Variants in RNF111 observed in about 807,000 individuals in gnomAD.
RNF111 encodes the protein ring finger protein 111, also known as E3 ubiquitin-protein ligase Arkadia.
Under a neutral mutation model 95.1 loss-of-function variants are expected in RNF111, and 17 were observed. That is an observed-to-expected ratio of 0.18 (90% CI 0.12 to 0.27). The LOEUF (loss-of-function observed/expected upper bound fraction) is 0.27, where lower values mean the gene tolerates loss of function less well. RNF111 is among the 10% of genes least tolerant of loss of function. The probability of loss-of-function intolerance (pLI) is 1.00; values close to 1 mark genes in which losing one functional copy is unlikely to be tolerated. For synonymous variants in RNF111, 440 were observed against 414.8 expected (o/e 1.06, Z -0.74); for missense variants, 1,189 against 1,210.4 (o/e 0.98, Z 0.26).
intron 13 of RNF111, chr15:59,093,336 T>TA (rs2079105389): frequency 1.1e-4 from 42 of 397,836 alleles, no homozygotes; most frequent in Admixed American, 1.9e-4. Context: ...TTTTACAGCA[T>TA]CTTTTTTTTT....
intron 1 of RNF111, among the ~76,000 whole-genome samples, chr15:59,025,745 T>G (rs1283493223): frequency 6.6e-6 from 1 of 152,110 alleles, no homozygotes; most frequent in Non-Finnish European, 1.5e-5. Context: ...TCTTTTTTCT[T>G]TTGTGTCGGA....
At chr15:59,055,602 G>A in intron 3 of RNF111, 80 bp from the exon 4 acceptor site, 1 of 1,099,642 alleles carries the variant, frequency 9.1e-7, no homozygotes, top group Non-Finnish European at 1.2e-6. Context: ...TTAACATTTA[G>A]TAAGAAAGGC....
At chr15:59,001,334 C>G (rs1290091861) in intron 1 of RNF111, among the ~76,000 whole-genome samples, 2 of 152,022 alleles carry the variant, frequency 1.3e-5, no homozygotes, top group Admixed American at 6.6e-5. Flanking sequence ...CCATTTTTTA[C>G]CTCTCTTCTC....
intron 1 of RNF111, among the ~76,000 whole-genome samples, chr15:58,991,391 CAT>C (rs1342183424): frequency 1.3e-5 from 2 of 152,202 alleles, no homozygotes; most frequent in African/African-American, 2.4e-5. Flanking sequence ...TTGAATGTCT[CAT>C]GTTCTAGGCA....
In RNF111 at chr15:59,050,754, A is replaced by C. The variant is rs546692801; in HGVS notation, c.881-1551A>C. On this transcript the variant is annotated intron_variant, in intron 2 of 13. Coordinates refer to ENST00000348370, the MANE Select transcript of RNF111 (RefSeq NM_017610.8). ...TCCAAAAATTTCTTCCTGTCTCCTT[A>C]CTTTTGTTTCCTTTTTTGGTTAGAG... Among the ~76,000 whole-genome samples, 3 of 152,228 alleles carry C rather than the reference A, an allele frequency of 2.0e-5. 1 individual carries two copies. The highest frequency in any genetic ancestry group is 2.0e-4 in the Admixed American group (3 of 15,310).
chr15:58,994,787 C>T (rs1312884422), intron 1 of RNF111, among the ~76,000 whole-genome samples: 1 of 152,050 alleles, frequency 6.6e-6, no homozygotes, highest in Non-Finnish European at 1.5e-5. Flanking sequence ...TCTCTTGAAT[C>T]ATTTAAAAGT....
At chr15:59,089,804 T>G in intron 11 of RNF111, 45 bp downstream of exon 11, 1 of 1,321,580 alleles carries the variant, frequency 7.6e-7, no homozygotes. Flanking sequence ...GTATCTTTAA[T>G]GCAGATTGAG....
intron 1 of RNF111, among the ~76,000 whole-genome samples, chr15:59,007,096 A>T (rs1398731142): frequency 1.5e-4 from 23 of 152,290 alleles, no homozygotes; most frequent in African/African-American, 5.5e-4. Flanking sequence ...AACTTTACAT[A>T]CGGTGAAATG....
intron 10 of RNF111, among the ~76,000 whole-genome samples, chr15:59,086,680 C>T (rs1193694040): frequency 1.3e-5 from 2 of 152,176 alleles, no homozygotes; most frequent in African/African-American, 2.4e-5. Context: ...GGTGCTCTTG[C>T]AGAGGTTACA....
intron 5 of RNF111, among the ~76,000 whole-genome samples, chr15:59,065,940 A>G (rs1224405091): frequency 1.3e-5 from 2 of 151,906 alleles, no homozygotes; most frequent in Non-Finnish European, 2.9e-5. Flanking sequence ...GAGCAAATAT[A>G]TACAATGTAT....
rs943787264 is a variant in RNF111, at chr15:59,079,832, C to T, written c.1949-1104C>T. Among the ~76,000 whole-genome samples the T allele has an allele frequency of 2.6e-5, 4 of 152,128 alleles. No homozygotes were observed. The South Asian group carries it at 8.3e-4, about 32-fold the overall frequency. On this transcript the variant is annotated intron_variant, in intron 7 of 13. Transcript: ENST00000348370. ...CATATTTGATGGGAAACAAATAGGTCTCCTTCACCTTAATGTAGCACAGGA... is the reference window on the plus strand; with the variant it reads ...CATATTTGATGGGAAACAAATAGGTTTCCTTCACCTTAATGTAGCACAGGA...
At chr15:59,049,765 T>TTG (rs2041891370) in intron 2 of RNF111, 1 of 147,554 alleles carries the variant, frequency 6.8e-6, no homozygotes. Context: ...TTTTTTTTTT[T>TTG]GAGATGGGGT....
At chr15:59,020,378 T>C (rs2040279241) in intron 1 of RNF111, among the ~76,000 whole-genome samples, 1 of 152,096 alleles carries the variant, frequency 6.6e-6, no homozygotes, top group Non-Finnish European at 1.5e-5. Flanking sequence ...ACCAGAAATA[T>C]TAGACACTTG....
chr15:59,049,883 A>T (rs1479879208), intron 2 of RNF111, among the ~76,000 whole-genome samples: 1 of 149,114 alleles, frequency 6.7e-6, no homozygotes, highest in African/African-American at 2.5e-5. Flanking sequence ...CTGGGATTAC[A>T]GGTGCGTGCC....
Position 59,030,986 on chromosome 15 carries a change from T to A in RNF111, c.164T>A (p.Met55Lys). ...AAKSFPAGVE[M>K]INSKVGNEFS... is the part of the protein sequence containing the mutation. ...AAAAGTTTTCCTGCAGGAGTTGAGA[T>A]GATTAATAGTAAAGTGGGGAATGAA... Residue 55 changes from methionine to lysine, a missense_variant, in exon 2 of 14, where the codon ATG (methionine) becomes AAG (lysine). By Grantham distance (95) the Met-to-Lys change is moderately conservative. This residue lies in a region of RNF111 where 1,024 missense variants were observed against 925.9 expected (regional missense o/e 1.11). Coordinates refer to ENST00000348370, the MANE Select transcript of RNF111 (RefSeq NM_017610.8). 6.2e-7 allele frequency: 1 copy of A among 1,614,128 alleles called. No individual in the cohort carries two copies. Among genetic ancestry groups the A allele is most frequent in the Non-Finnish European group, 8.5e-7 (1 of 1,180,008 alleles).
chr15:59,093,499 C>G (rs1169813592), intron 13 of RNF111: 2 of 402,342 alleles, frequency 5.0e-6, no homozygotes, highest in Non-Finnish European at 4.8e-6. Context: ...GCGTAAGCCA[C>G]TGCACTCGGC....
intron 1 of RNF111, among the ~76,000 whole-genome samples, chr15:59,000,277 C>T (rs1369604084): frequency 6.6e-6 from 1 of 151,388 alleles, no homozygotes; most frequent in Non-Finnish European, 1.5e-5. Flanking sequence ...AGTCCTCCCA[C>T]TTCAGCCTCC....
intron 3 of RNF111, among the ~76,000 whole-genome samples, chr15:59,054,459 T>G (rs1392664629): frequency 6.6e-6 from 1 of 152,064 alleles, no homozygotes; most frequent in East Asian, 1.9e-4. Flanking sequence ...CCAGAGATAA[T>G]AGACTACTCA....
In RNF111 at chr15:59,000,434, G is replaced by A. The variant is rs1364708840; in HGVS notation, c.-20+12366G>A. ...TAAGATTATGAAGGACCTCAGGACC[G>A]GGCCTGGTGGCTCACATCTGTAATT... On this transcript the variant is annotated intron_variant, in intron 1 of 13. Coordinates refer to ENST00000348370, the MANE Select transcript of RNF111 (RefSeq NM_017610.8). Among the ~76,000 whole-genome samples the A allele has an allele frequency of 7.2e-5, 11 of 151,934 alleles. No individual in the cohort carries two copies. In the East Asian group the frequency reaches 7.7e-4, roughly 11 times the overall value.
Sources: gnomAD v4.1 joint callset for allele counts (sites outside exome capture counted in the v4.1 genomes callset) on GRCh38, gnomAD v4.1.1 for gene constraint, gnomAD v4.1.1 regional missense constraint, MANE v1.5 for transcripts, NCBI Gene and HGNC (gene_info 2026-07-23, HGNC 2026-07-21) for gene names.